LOC400499: variants seen among roughly 807,000 people sequenced by gnomAD.
chr16:11,464,518 G>C, the LOC400499 span, among the ~76,000 whole-genome samples: 2 of 152,226 alleles, frequency 1.3e-5, no homozygotes, highest in Admixed American at 6.5e-5. Flanking sequence ...CTAGCAGGAG[G>C]GGGCACTGAA....
chr16:11,441,300 G>A, the LOC400499 span, among the ~76,000 whole-genome samples: 1 of 152,318 alleles, frequency 6.6e-6, no homozygotes, highest in Non-Finnish European at 1.5e-5. Flanking sequence ...GGGCTTGATG[G>A]AACAAATGTG....
chr16:11,385,408 G>A, the LOC400499 span: 1 of 1,232,272 alleles, frequency 8.1e-7, no homozygotes, highest in East Asian at 3.2e-5. Flanking sequence ...CCAGCCACCA[G>A]GGCATGGTCT....
chr16:11,436,869 C>T, the LOC400499 span, among the ~76,000 whole-genome samples: 281 of 152,192 alleles, frequency 1.8e-3, no homozygotes, highest in Non-Finnish European at 3.3e-3. Context: ...GCTGGGATTA[C>T]AGGCGTGAGC....
chr16:11,475,487 T>A, the LOC400499 span: 18 of 395,264 alleles, frequency 4.6e-5, no homozygotes, highest in Admixed American at 8.8e-5. Context: ...TTGAAACCTG[T>A]CTCAGATACT....
At chr16:11,478,999 C>A in the LOC400499 span, among the ~76,000 whole-genome samples, 3 of 152,204 alleles carry the variant, frequency 2.0e-5, no homozygotes, top group Admixed American at 6.5e-5. Context: ...TTTGAAGCCT[C>A]CCCAGTCAGT....
the LOC400499 span, among the ~76,000 whole-genome samples, chr16:11,505,010 G>A: frequency 6.6e-6 from 1 of 152,180 alleles, no homozygotes; most frequent in African/African-American, 2.4e-5. Flanking sequence ...TAAGCTGACA[G>A]AGAAGGAAAG....
At chr16:11,487,178 G>A in the LOC400499 span, 6 of 398,348 alleles carry the variant, frequency 1.5e-5, no homozygotes, top group African/African-American at 1.0e-4. Flanking sequence ...GGGATGGATG[G>A]ACAGACAGGT....
the LOC400499 span, among the ~76,000 whole-genome samples, chr16:11,385,930 G>C: frequency 2.6e-5 from 4 of 152,148 alleles, no homozygotes; most frequent in Admixed American, 1.3e-4. Context: ...CAGCACTTTG[G>C]GGGACTGAGG....
the LOC400499 span, among the ~76,000 whole-genome samples, chr16:11,473,959 G>A: frequency 2.6e-5 from 4 of 152,100 alleles, no homozygotes; most frequent in East Asian, 1.9e-4. Flanking sequence ...GGGCTCAAGC[G>A]GACTTCCTGT....
At chr16:11,384,055 C>T in the LOC400499 span, 1 of 1,231,738 alleles carries the variant, frequency 8.1e-7, no homozygotes, top group Middle Eastern at 3.1e-4. Flanking sequence ...GACCATGTGG[C>T]TCCCCCGCGT....
chr16:11,463,379 C>T, the LOC400499 span, among the ~76,000 whole-genome samples: 1 of 151,912 alleles, frequency 6.6e-6, no homozygotes, highest in East Asian at 1.9e-4. Flanking sequence ...GATGTGTGTG[C>T]GGATGTGTGT....
the LOC400499 span, among the ~76,000 whole-genome samples, chr16:11,379,064 G>C: frequency 6.6e-6 from 1 of 152,180 alleles, no homozygotes; most frequent in African/African-American, 2.4e-5. Context: ...AGGAGTTCAA[G>C]AGCAGCCTGG....
chr16:11,493,364 G>T, the LOC400499 span, among the ~76,000 whole-genome samples: 1 of 152,268 alleles, frequency 6.6e-6, no homozygotes, highest in African/African-American at 2.4e-5. Flanking sequence ...ACAGACCAAG[G>T]GCCAGGTAGT....
chr16:11,508,302 C>G, the LOC400499 span, among the ~76,000 whole-genome samples: 1 of 152,228 alleles, frequency 6.6e-6, no homozygotes, highest in Non-Finnish European at 1.5e-5. Context: ...GTCTCAAAGC[C>G]ACATCCACCT....
chr16:11,495,780 GCAGGAAGCTGAGACA>G, the LOC400499 span, among the ~76,000 whole-genome samples: 21 of 152,188 alleles, frequency 1.4e-4, no homozygotes, highest in Admixed American at 5.9e-4. Flanking sequence ...ATTTTGCAGA[GCAGGAAGCTGAGACA>G]CAGGAAGCTG....
the LOC400499 span, chr16:11,372,677 C>T: frequency 4.9e-3 from 4,265 of 875,060 alleles, 142 homozygotes; most frequent in African/African-American, 0.068. Context: ...GCTGGAATTG[C>T]AGTAGAAGGT....
chr16:11,424,261 CCG>C, the LOC400499 span: 993 of 399,190 alleles, frequency 2.5e-3, 3 homozygotes, highest in Middle Eastern at 0.011. Flanking sequence ...AGCTGAGCCC[CCG>C]CGTTCCACAG....
At chr16:11,426,784 A>T in the LOC400499 span, among the ~76,000 whole-genome samples, 1 of 148,688 alleles carries the variant, frequency 6.7e-6, no homozygotes, top group African/African-American at 2.5e-5. Context: ...TTATCTGGGC[A>T]TGGTGGCAGG....
the LOC400499 span, among the ~76,000 whole-genome samples, chr16:11,523,769 T>C: frequency 4.5e-4 from 68 of 152,078 alleles, no homozygotes; most frequent in African/African-American, 1.6e-3. Flanking sequence ...GAGTCCAATA[T>C]GTCAGCAAGC....
Sources: allele counts gnomAD v4.1 joint callset (sites outside exome capture counted in the v4.1 genomes callset), GRCh38; gene constraint gnomAD v4.1.1; transcripts MANE v1.5.